Variants in HLCS observed in about 807,000 individuals in gnomAD.
HLCS encodes holocarboxylase synthetase, also known as biotin--protein ligase.
In HLCS, 53 loss-of-function variants were observed where a neutral mutation model predicts 75.0. That is an observed-to-expected ratio of 0.71 (90% CI 0.57 to 0.89). The LOEUF (loss-of-function observed/expected upper bound fraction) is 0.89, where lower values mean the gene tolerates loss of function less well. HLCS is among the 40% of genes least tolerant of loss of function. HLCS has a pLI of 0.00. For synonymous variants in HLCS, 431 were observed against 428.6 expected (o/e 1.01, Z -0.07); for missense variants, 966 against 1,074.0 (o/e 0.90, Z 1.41).
At chr21:36,912,761 C>G (rs948617817) in intron 5 of HLCS, among the ~76,000 whole-genome samples, 5 of 152,050 alleles carry the variant, frequency 3.3e-5, no homozygotes, top group African/African-American at 7.2e-5. Context: ...ATTAGCCACC[C>G]CCCCCAACCC....
chr21:36,975,947 T>C (rs982942741), intron 1 of HLCS, among the ~76,000 whole-genome samples: 17 of 152,192 alleles, frequency 1.1e-4, no homozygotes, highest in Non-Finnish European at 2.4e-4. Context: ...TGTCCCCATC[T>C]TGCAAAGGAA....
chr21:36,973,219 G>A (rs1228244774), intron 1 of HLCS, among the ~76,000 whole-genome samples: 1 of 130,848 alleles, frequency 7.6e-6, no homozygotes, highest in Admixed American at 8.5e-5. Context: ...GACAGAGAAA[G>A]ACCCTGTCTT....
intron 6 of HLCS, among the ~76,000 whole-genome samples, chr21:36,835,031 T>C (rs541702001): frequency 6.6e-6 from 1 of 152,300 alleles, no homozygotes; most frequent in African/African-American, 2.4e-5. Flanking sequence ...ATTCTCGAGA[T>C]TCCCAGGTGA....
At chr21:36,829,738 TC>T (rs961723235) in intron 6 of HLCS, among the ~76,000 whole-genome samples, 2 of 152,154 alleles carry the variant, frequency 1.3e-5, no homozygotes, top group African/African-American at 4.8e-5. Flanking sequence ...CTGAGAGATC[TC>T]CCCACTCTAT....
intron 4 of HLCS, among the ~76,000 whole-genome samples, chr21:36,933,614 ACCTCTCCT>A (rs1177239077): frequency 1.1e-4 from 16 of 147,562 alleles, no homozygotes; most frequent in African/African-American, 3.5e-4. Context: ...CTAAATGTGT[ACCTCTCCT>A]CTCCGGTGGA....
chr21:36,844,807 C>T (rs928834798), intron 6 of HLCS, among the ~76,000 whole-genome samples: 15 of 152,032 alleles, frequency 9.9e-5, no homozygotes, highest in East Asian at 3.9e-4. Flanking sequence ...GGGAGAAATC[C>T]GATCGATTGG....
chr21:36,981,351 G>A (rs1385695582), intron 1 of HLCS, among the ~76,000 whole-genome samples: 1 of 151,042 alleles, frequency 6.6e-6, no homozygotes, highest in Admixed American at 6.6e-5. Context: ...ATTCTGATGA[G>A]GAACTGAGAG....
rs11327894 is a variant in HLCS, at chr21:36,973,227, CTTTT to C, written c.-392-11061_-392-11058del. Among the ~76,000 whole-genome samples the C allele has an allele frequency of 6.3e-3, 576 of 91,058 alleles. 7 individuals carry two copies. The highest frequency in any genetic ancestry group is 0.022 in the African/African-American group (529 of 23,704). 59.7% of individuals were successfully genotyped at this position (91,058 alleles called of 152,430 possible). On this transcript the variant is annotated intron_variant, in intron 1 of 11. Transcript: ENST00000336648. ...CCTCAGCGACAGAGAAAGACCCTGT[CTTTT>C]TTTTTTTTTTTTTTTTTTTTTAGCA...
chr21:36,771,259 T>A (rs985999696), intron 6 of HLCS, among the ~76,000 whole-genome samples: 40 of 151,418 alleles, frequency 2.6e-4, no homozygotes, highest in Non-Finnish European at 5.2e-4. Flanking sequence ...TAAAATAAAA[T>A]AAAAAGAAAC....
At chr21:36,775,677 G>A (rs1311733493) in intron 6 of HLCS, among the ~76,000 whole-genome samples, 1 of 134,162 alleles carries the variant, frequency 7.5e-6, no homozygotes, top group East Asian at 2.2e-4. Flanking sequence ...TTTTCAGGCT[G>A]TTCAGATCTC....
chr21:36,824,531 C>G (rs2061948540), intron 6 of HLCS, among the ~76,000 whole-genome samples: 1 of 152,166 alleles, frequency 6.6e-6, no homozygotes, highest in Non-Finnish European at 1.5e-5. Context: ...GTGCAGCAAA[C>G]CACCATGACA....
At chr21:36,959,011 A>T (rs1356108510) in intron 2 of HLCS, among the ~76,000 whole-genome samples, 1 of 152,012 alleles carries the variant, frequency 6.6e-6, no homozygotes, top group Non-Finnish European at 1.5e-5. Context: ...AACCAGGGGG[A>T]GCTGGGAGCA....
rs764724435 is a variant in HLCS at position 36,759,847 on chromosome 21, G to A, written c.2122-6C>T. 1 of 1,546,108 alleles carries A rather than the reference G, an allele frequency of 6.5e-7. No individual in the cohort carries two copies. On this transcript the variant is annotated splice_polypyrimidine_tract_variant and splice_region_variant and intron_variant, in intron 8 of 10. Transcript: ENST00000674895. Reference sequence around the variant, plus strand: ...TTCACTCGTAAGTTGATATCCTAAAGGGAAATCTGCACATTAATTAAGCCG... The same window carrying A: ...TTCACTCGTAAGTTGATATCCTAAAAGGAAATCTGCACATTAATTAAGCCG...
intron 6 of HLCS, among the ~76,000 whole-genome samples, chr21:36,821,988 T>A (rs1478366325): frequency 6.6e-6 from 1 of 152,148 alleles, no homozygotes; most frequent in Non-Finnish European, 1.5e-5. Context: ...AGACATCAGG[T>A]GGCCTCTGAT....
At chr21:36,833,220 G>A (rs1256565999) in intron 6 of HLCS, among the ~76,000 whole-genome samples, 1 of 151,086 alleles carries the variant, frequency 6.6e-6, no homozygotes, top group Non-Finnish European at 1.5e-5. Flanking sequence ...TAGAGATGAG[G>A]TCTCACTTTG....
At chr21:36,772,305 C>A (rs7277291) in intron 6 of HLCS, among the ~76,000 whole-genome samples, 2 of 151,856 alleles carry the variant, frequency 1.3e-5, no homozygotes, top group Non-Finnish European at 2.9e-5. Flanking sequence ...AAAACAGTAT[C>A]GTAGAATGAT....
chr21:36,799,769 A>G (rs1256105320), intron 6 of HLCS, among the ~76,000 whole-genome samples: 1 of 152,178 alleles, frequency 6.6e-6, no homozygotes, highest in African/African-American at 2.4e-5. Flanking sequence ...TCCAATTTGG[A>G]TCTGCCAGAT....
intron 6 of HLCS, among the ~76,000 whole-genome samples, chr21:36,808,362 A>T (rs944133691): frequency 1.1e-4 from 16 of 152,140 alleles, no homozygotes; most frequent in Non-Finnish European, 8.8e-5. Flanking sequence ...AAAAAATCAA[A>T]TTTTTTTCCT....
intron 2 of HLCS, among the ~76,000 whole-genome samples, chr21:36,942,196 A>C (rs2067173270): frequency 6.6e-6 from 1 of 152,026 alleles, no homozygotes; most frequent in Non-Finnish European, 1.5e-5. Context: ...TTAAACTTTA[A>C]AAGACTCAGA....
Sources: allele counts gnomAD v4.1 joint callset (sites outside exome capture counted in the v4.1 genomes callset), GRCh38; gene constraint gnomAD v4.1.1; transcripts MANE v1.5; gene names NCBI Gene and HGNC (gene_info 2026-07-23, HGNC 2026-07-21).